Variants in ITFG2 observed in about 807,000 individuals in gnomAD.
ITFG2 encodes the protein KICSTOR complex protein ITFG2.
In ITFG2, 36 loss-of-function variants were observed where a neutral mutation model predicts 54.4. The ratio of observed to expected loss-of-function variants is 0.66; its 90% CI spans 0.51 to 0.87. The LOEUF is 0.87. Ranked by LOEUF, ITFG2 falls within the 40% of genes least tolerant of loss-of-function variation. The pLI is 0.00. For synonymous variants in ITFG2, 211 were observed against 225.4 expected, an observed-to-expected ratio of 0.94 and a Z score of 0.57; for missense variants, 524 against 576.7, an observed-to-expected ratio of 0.91 and a Z score of 0.94.
chr12:2,813,517 T>C (rs114649437), intron 1 of ITFG2, among the ~76,000 whole-genome samples: 4,063 of 152,284 alleles, frequency 0.027, 173 homozygotes, highest in African/African-American at 0.093. Context: ...ATAATCAAGC[T>C]GTGTAATAGT....
At position 2,817,893 on chromosome 12, in the gene ITFG2, C is replaced by G. The variant is rs1382086517; in HGVS notation, c.193-16C>G. On this transcript the variant is annotated splice_polypyrimidine_tract_variant and intron_variant, in intron 2 of 11. Transcript: ENST00000228799. ...CTCCCTTAGCGTCTCCCTGAGCCTC[C>G]CTTTCTCTCTTACAGCTGACTTGCG... The G allele has an allele frequency of 6.2e-7, 1 of 1,613,148 alleles. No homozygotes were observed. The highest frequency in any genetic ancestry group is 8.5e-7 in the Non-Finnish European group (1 of 1,179,612).
At chr12:2,849,034 A>T (rs1422047064) in intron 2 of ITFG2, 12 of 618,644 alleles carry the variant, frequency 1.9e-5, no homozygotes, top group Non-Finnish European at 3.3e-5. Context: ...GAAGAAATAT[A>T]ACAATTTAGA....
rs200954465 is a variant in ITFG2 at position 2,820,744 on chromosome 12, T to G, written c.567T>G (p.Thr189=). The stretch of plus-strand genomic sequence containing the variant: ...TGCAGGTGGACAGCCTCTCAGTGAC[T>G]CTGGGGCCACTGGGTCTTCCTGAAC... The part of the protein sequence containing the change: ...LEGQVDSLSV[T]LGPLGLPELM... Residue 189 remains threonine, a synonymous_variant, in exon 6 of 12, where the codon ACT becomes ACG. Coordinates refer to ENST00000228799, the MANE Select transcript of ITFG2 (RefSeq NM_018463.4). 1 of 1,612,992 alleles carries G rather than the reference T, an allele frequency of 6.2e-7. No individual in the cohort carries two copies. Among genetic ancestry groups the G allele is most frequent in the Non-Finnish European group, 8.5e-7 (1 of 1,179,558 alleles).
Position 2,824,250 on chromosome 12 carries a change from A to C in ITFG2, c.*57A>C, listed in dbSNP as rs1163625485. 2.2e-5 allele frequency: 33 copies of C among 1,495,798 alleles called. No individual in the cohort carries two copies. The highest frequency in any genetic ancestry group is 2.9e-5 in the Non-Finnish European group (31 of 1,073,214). 92.7% of individuals were successfully genotyped at this position (1,495,798 alleles called of 1,614,324 possible). ...TTCTGAACCCCCACCCTACCCCCTAAAGGTATCTGTGGTATTGGCAGGATA... is the reference window on the plus strand; with the variant it reads ...TTCTGAACCCCCACCCTACCCCCTACAGGTATCTGTGGTATTGGCAGGATA... On this transcript the variant is annotated 3_prime_UTR_variant, in exon 12 of 12. Transcript: ENST00000228799.
At chr12:2,819,049 G>A (rs1052531611) in intron 4 of ITFG2, among the ~76,000 whole-genome samples, 3 of 151,870 alleles carry the variant, frequency 2.0e-5, no homozygotes, top group Non-Finnish European at 4.4e-5. Flanking sequence ...CGACCACGGT[G>A]GTTCACGCCT....
chr12:2,843,671 G>A (rs2098046612), intron 2 of ITFG2, among the ~76,000 whole-genome samples: 1 of 152,154 alleles, frequency 6.6e-6, no homozygotes, highest in South Asian at 2.1e-4. Context: ...AAATTAGGTG[G>A]GCATGGTGGC....
chr12:2,832,426 T>G (rs571903167), upstream of ITFG2, among the ~76,000 whole-genome samples: 2 of 151,724 alleles, frequency 1.3e-5, no homozygotes, highest in South Asian at 4.2e-4. Flanking sequence ...TCCTCTCTCC[T>G]CTCTTCCTGA....
At chr12:2,821,122 C>A in intron 6 of ITFG2, 140 bp from the exon 7 acceptor site, 2 of 755,798 alleles carry the variant, frequency 2.6e-6, no homozygotes, top group Non-Finnish European at 4.3e-6. Flanking sequence ...TTCTGTTTGC[C>A]ACATGGGCCA....
At chr12:2,827,147 C>G (rs1312882789), downstream of ITFG2, 3 of 1,610,228 alleles carry the variant, frequency 1.9e-6, no homozygotes, top group Admixed American at 5.1e-5. The surrounding 1 kb of genome is among the most constrained non-coding windows in gnomAD (Gnocchi z 4.0). Flanking sequence ...GCCCCCGTTC[C>G]CCACACGCCT....
At position 2,858,975 on chromosome 12, in the gene ITFG2, T is replaced by C. The variant is rs745897759; in HGVS notation, n.621-559T>C. On this transcript the variant is annotated intron_variant and non_coding_transcript_variant, in intron 3 of 3. Transcript: ENST00000537710. ...GCTGAGATCCATCAGCCCCAGGGGGTCAGGCAAGGGGTCAGAGGCACCCTG... is the reference window on the plus strand; with the variant it reads ...GCTGAGATCCATCAGCCCCAGGGGGCCAGGCAAGGGGTCAGAGGCACCCTG... 1.9e-6 allele frequency: 3 copies of C among 1,612,396 alleles called. No individual in the cohort carries two copies. In the African/African-American group the frequency reaches 4.0e-5, roughly 22 times the overall value.
In ITFG2 at chr12:2,859,699, C is replaced by T. The variant is rs368034740; in HGVS notation, n.786C>T. The T allele has an allele frequency of 1.3e-5, 20 of 1,520,664 alleles. No individual in the cohort carries two copies. The African/African-American group carries it at 2.2e-4, about 17-fold the overall frequency. 94.2% of individuals were successfully genotyped at this position (1,520,664 alleles called of 1,614,324 possible). A position where few individuals can be genotyped will look rare whatever the true frequency, so the allele number is the denominator to read the frequency against. On this transcript the variant is annotated non_coding_transcript_exon_variant, in exon 4 of 4. Transcript: ENST00000537710. ...AACAGAGATAAGGTGAACCAACGGT[C>T]ACCAGACAGGACGCACAAAAATATC... is the stretch of plus-strand genomic sequence containing the variant.
chr12:2,848,403 T>C (rs1302021861), intron 2 of ITFG2, among the ~76,000 whole-genome samples: 1 of 152,176 alleles, frequency 6.6e-6, no homozygotes, highest in Non-Finnish European at 1.5e-5. Flanking sequence ...GCCTCTACTT[T>C]ACCCCTGGTC....
chr12:2,817,267 G>A lies in ITFG2; in HGVS notation c.141G>A (p.Val47=), dbSNP rs2097924465. 1.9e-6 allele frequency: 3 copies of A among 1,614,022 alleles called. No homozygotes were observed. Among genetic ancestry groups the A allele is most frequent in the Non-Finnish European group, 2.5e-6 (3 of 1,179,960 alleles). Residue 47 remains valine, a synonymous_variant, in exon 2 of 12, where the codon GTG becomes GTA. Transcript: ENST00000228799. ...VVGDTSGKVS[V]YKNDDSRPWL... is the part of the protein sequence containing the mutation. ...GAGACACCAGCGGGAAGGTGTCTGTGTATAAAAATGATGACAGTCGGCCAT... is the reference window on the plus strand; with the variant it reads ...GAGACACCAGCGGGAAGGTGTCTGTATATAAAAATGATGACAGTCGGCCAT...
intron 1 of ITFG2, 51 bp downstream of exon 1, chr12:2,812,907 G>A (rs766719405): frequency 2.0e-6 from 3 of 1,505,688 alleles, no homozygotes; most frequent in Non-Finnish European, 2.7e-6. Context: ...CAGGGACGGG[G>A]CAAGGGAAGT....
chr12:2,815,069 G>A (rs767259207), intron 1 of ITFG2, among the ~76,000 whole-genome samples: 5 of 151,890 alleles, frequency 3.3e-5, no homozygotes, highest in Non-Finnish European at 7.4e-5. Context: ...TGCCTCCCAG[G>A]TTCAAGCGAA....
At chr12:2,826,937 A>G, downstream of ITFG2, 1 of 1,271,714 alleles carries the variant, frequency 7.9e-7, no homozygotes, top group Non-Finnish European at 1.0e-6. Context: ...TGTGGTCTTG[A>G]TTTGGCTTTG....
At position 2,845,524 on chromosome 12, in the gene ITFG2, G is replaced by T. The variant is rs1174920861; in HGVS notation, n.300+4529G>T. ...TCAGGCTTGGAAAGGGGGAGGTGGA[G>T]GGAGGGGAGTTTTTGGCCCGGAAAT... is the stretch of plus-strand genomic sequence containing the variant. On this transcript the variant is annotated intron_variant and non_coding_transcript_variant, in intron 2 of 3. Transcript: ENST00000537710. The surrounding 1 kb of genome is among the most constrained non-coding windows in gnomAD (Gnocchi z 4.2). Among the ~76,000 whole-genome samples the T allele has an allele frequency of 6.6e-6, 1 of 152,168 alleles. No individual in the cohort carries two copies. Among genetic ancestry groups the T allele is most frequent in the African/African-American group, 2.4e-5 (1 of 41,446 alleles).
At chr12:2,854,830 TGA>T in intron 2 of ITFG2, 1 of 1,440,484 alleles carries the variant, frequency 6.9e-7, no homozygotes, top group East Asian at 2.5e-5. Context: ...AACAGGAACC[TGA>T]GAGAGGGAGG....
Position 2,854,936 on chromosome 12 carries a change from C to T in ITFG2, n.301-3076C>T, listed in dbSNP as rs775170397. On this transcript the variant is annotated intron_variant and non_coding_transcript_variant, in intron 2 of 3. Coordinates refer to the ITFG2 transcript ENST00000537710. ...GGCGGCTGGATGTTGCCCTGGGCATCGAGTGGGGGTGCTCTTGCCTCACTC... is the reference window on the plus strand; with the variant it reads ...GGCGGCTGGATGTTGCCCTGGGCATTGAGTGGGGGTGCTCTTGCCTCACTC... The T allele has an allele frequency of 7.5e-5, 115 of 1,535,924 alleles. 1 individual carries two copies. In the African/African-American group the frequency reaches 9.2e-4, roughly 12 times the overall value.
Sources: allele counts gnomAD v4.1 joint callset (sites outside exome capture counted in the v4.1 genomes callset), GRCh38; gene constraint gnomAD v4.1.1; non-coding constraint Gnocchi (gnomAD v3.1); transcripts MANE v1.5; gene names NCBI Gene and HGNC (gene_info 2026-07-23, HGNC 2026-07-21).